Variants in BEND7 observed in about 807,000 individuals in gnomAD.
BEND7 encodes the protein BEN domain containing 7.
In BEND7, 28 loss-of-function variants were observed where a neutral mutation model predicts 50.9. That is an observed-to-expected ratio of 0.55 (90% confidence interval 0.41 to 0.75). BEND7 has a LOEUF of 0.75. Among genes scored for constraint, BEND7 ranks in the 30% least tolerant of loss-of-function variants. BEND7 has a pLI of 0.00. For missense variants in BEND7, 477 were observed against 491.3 expected, an observed-to-expected ratio of 0.97 and a Z score of 0.28; for synonymous variants, 170 against 183.9, an observed-to-expected ratio of 0.92 and a Z score of 0.61.
At chr10:13,459,415 C>T (rs1340261) in intron 6 of BEND7, 110,905 of 152,186 alleles carry the variant, frequency 0.73, 40,999 homozygotes, top group East Asian at 0.88. Flanking sequence ...TCCAATAATA[C>T]TTAGTGCGTC....
At chr10:13,502,519 A>G (rs901060225) in intron 2 of BEND7, among the ~76,000 whole-genome samples, 6 of 152,240 alleles carry the variant, frequency 3.9e-5, no homozygotes, top group Admixed American at 2.6e-4. Context: ...TCAATAACGC[A>G]GAGTCAGCAA....
chr10:13,487,192 T>C (rs2076281666), intron 5 of BEND7, among the ~76,000 whole-genome samples: 1 of 152,188 alleles, frequency 6.6e-6, no homozygotes, highest in East Asian at 1.9e-4. Flanking sequence ...TTTTCTAATT[T>C]GATTTTCACC....
At chr10:13,502,943 T>G in intron 2 of BEND7, 1 of 985,116 alleles carries the variant, frequency 1.0e-6, no homozygotes, top group African/African-American at 1.7e-5. Context: ...CTGCCAAAGG[T>G]CCTGCCTCTG....
In BEND7 at chr10:13,492,737, C is replaced by T. The variant is rs370268597; in HGVS notation, c.711G>A (p.Gly237=). Residue 237 remains glycine, a synonymous_variant, in exon 5 of 9, where the codon GGG becomes GGA. Transcript: ENST00000466271. ...EPLTVKQKPS[G]SEMEKKSVVA... ...CCACCGACTTTTTCTCCATCTCTGA[C>T]CCACTGGGCTTCTGTTTCACAGTAA... is the stretch of plus-strand genomic sequence containing the variant. 1 of 1,614,010 alleles carries T rather than the reference C, an allele frequency of 6.2e-7. No homozygotes were observed. The highest frequency in any genetic ancestry group is 1.7e-5 in the Admixed American group (1 of 59,976).
chr10:13,529,536 G>A (rs1375085283), upstream of BEND7, among the ~76,000 whole-genome samples: 1 of 152,188 alleles, frequency 6.6e-6, no homozygotes, highest in East Asian at 1.9e-4. Context: ...GCGGATTGTG[G>A]AAAGAGCCGA....
intron 2 of BEND7, among the ~76,000 whole-genome samples, chr10:13,508,580 T>C (rs2078061522): frequency 6.6e-6 from 1 of 152,202 alleles, no homozygotes. Context: ...CTCCACGTGC[T>C]TGAGGGTCCT....
intron 6 of BEND7, among the ~76,000 whole-genome samples, chr10:13,466,543 G>A (rs2074267131): frequency 6.8e-6 from 1 of 147,692 alleles, no homozygotes; most frequent in African/African-American, 2.5e-5. Flanking sequence ...TGGGTCACAG[G>A]GTGAGAAACT....
intron 6 of BEND7, 90 bp from the exon 7 acceptor site, chr10:13,452,748 T>G: frequency 7.8e-7 from 1 of 1,276,398 alleles, no homozygotes; most frequent in Non-Finnish European, 1.1e-6. Context: ...GAAAAAAAAG[T>G]AGATTTCTAA....
intron 6 of BEND7, among the ~76,000 whole-genome samples, chr10:13,476,669 T>C (rs1357911287): frequency 6.6e-6 from 1 of 152,178 alleles, no homozygotes; most frequent in African/African-American, 2.4e-5. Context: ...ACCGAGTATA[T>C]CACAGCAAGA....
chr10:13,470,101 C>T (rs2074660618), intron 6 of BEND7, among the ~76,000 whole-genome samples: 1 of 152,178 alleles, frequency 6.6e-6, no homozygotes, highest in African/African-American at 2.4e-5. Flanking sequence ...GAGGATGTGG[C>T]ATTACCTTAG....
chr10:13,465,779 G>C (rs1313455996), intron 6 of BEND7, among the ~76,000 whole-genome samples: 3 of 152,072 alleles, frequency 2.0e-5, no homozygotes, highest in African/African-American at 7.2e-5. Flanking sequence ...GTCCCACAGT[G>C]CTCCCTTTGT....
At position 13,441,707 on chromosome 10, in the gene BEND7, G is replaced by A. The variant is rs201348661; in HGVS notation, c.*36C>T. On this transcript the variant is annotated 3_prime_UTR_variant, in exon 9 of 9. Transcript: ENST00000466271. ...GAGGACGGATTTTAAAACCCATGGTGCAAAAAACACAAGAGCTGTGGTTTG... is the reference window on the plus strand; with the variant it reads ...GAGGACGGATTTTAAAACCCATGGTACAAAAAACACAAGAGCTGTGGTTTG... 3.0e-5 allele frequency: 48 copies of A among 1,613,094 alleles called. No homozygotes were observed. The East Asian group carries it at 9.6e-4, about 32-fold the overall frequency.
intron 2 of BEND7, among the ~76,000 whole-genome samples, chr10:13,507,443 C>T (rs998132980): frequency 2.0e-5 from 3 of 152,130 alleles, no homozygotes; most frequent in Admixed American, 2.0e-4. Context: ...TATCATGTCC[C>T]GTTTTGTCCT....
intron 6 of BEND7, chr10:13,460,149 T>C (rs949575408): frequency 3.3e-5 from 5 of 152,782 alleles, no homozygotes; most frequent in Admixed American, 1.3e-4. Flanking sequence ...ACCTACTGTG[T>C]GCAAACAGAA....
intron 6 of BEND7, among the ~76,000 whole-genome samples, chr10:13,474,567 G>A (rs561953022): frequency 9.9e-4 from 148 of 149,170 alleles, no homozygotes; most frequent in African/African-American, 3.4e-3. Flanking sequence ...ACCCGTCACC[G>A]CTGTTGGACT....
At chr10:13,522,003 C>T (rs916320916) in intron 2 of BEND7, among the ~76,000 whole-genome samples, 120 of 152,320 alleles carry the variant, frequency 7.9e-4, no homozygotes, top group African/African-American at 2.8e-3. Context: ...TCAGAGATGT[C>T]GACCCTGCTC....
chr10:13,484,682 G>A lies in BEND7; in HGVS notation c.838-3558C>T, dbSNP rs529009586. On this transcript the variant is annotated intron_variant, in intron 5 of 8. Transcript: ENST00000466271. ...ATTTTAGTGATTACTGAAGTAATAC[G>A]ATTTTTAAATGATGATGTCTAAACG... 3.3e-5 allele frequency among the ~76,000 whole-genome samples: 5 copies of A among 152,340 alleles called. No homozygotes were observed. In the East Asian group the frequency reaches 7.7e-4, roughly 23 times the overall value.
intron 2 of BEND7, among the ~76,000 whole-genome samples, chr10:13,507,707 T>C (rs1212591679): frequency 1.3e-5 from 2 of 152,184 alleles, no homozygotes; most frequent in East Asian, 3.9e-4. Flanking sequence ...GAGCTGGACT[T>C]TCCAGTTTGT....
rs192955108 is a variant in BEND7, at chr10:13,442,058, C to T, written c.1235-308G>A. Reference sequence around the variant, plus strand: ...GGGCCTCTCCTATCTCTAGGTTTAGCGTTTCAGTGTGATGTGACATGAATA... The same window carrying T: ...GGGCCTCTCCTATCTCTAGGTTTAGTGTTTCAGTGTGATGTGACATGAATA... On this transcript the variant is annotated intron_variant, in intron 8 of 8. Transcript: ENST00000466271. 1.1e-3 allele frequency: 441 copies of T among 385,264 alleles called. 5 individuals carry two copies. Among genetic ancestry groups the T allele is most frequent in the Non-Finnish European group, 1.1e-3 (238 of 212,804 alleles). The allele number at this position is 385,264 out of a possible 1,614,324, so 23.9% of individuals were successfully genotyped here.
Sources: allele counts gnomAD v4.1 joint callset (sites outside exome capture counted in the v4.1 genomes callset), GRCh38; gene constraint gnomAD v4.1.1; transcripts MANE v1.5; gene names NCBI Gene and HGNC (gene_info 2026-07-23, HGNC 2026-07-21).